The following CDK14 variants were observed in gnomAD, a reference collection of about 807,000 sequenced individuals.
CDK14 encodes the protein cyclin dependent kinase 14, also known as cyclin-dependent kinase 14.
In CDK14, 34 loss-of-function variants were observed where a neutral mutation model predicts 60.7. That is an observed-to-expected ratio of 0.56 (90% CI 0.43 to 0.75). CDK14 has a LOEUF of 0.75. Ranked by LOEUF, CDK14 falls within the 30% of genes least tolerant of loss-of-function variation. The pLI is 0.00. For missense variants in CDK14, 482 were observed against 564.1 expected, an observed-to-expected ratio of 0.85 and a Z score of 1.47; for synonymous variants, 197 against 203.7, an observed-to-expected ratio of 0.97 and a Z score of 0.28.
At chr7:90,888,997 C>T (rs1334881166) in intron 6 of CDK14, among the ~76,000 whole-genome samples, 3 of 152,246 alleles carry the variant, frequency 2.0e-5, no homozygotes, top group Non-Finnish European at 2.9e-5. Flanking sequence ...ACACATTCTT[C>T]TAATGCTGGA....
intron 10 of CDK14, among the ~76,000 whole-genome samples, chr7:91,021,999 G>A (rs1796444206): frequency 6.6e-6 from 1 of 152,154 alleles, no homozygotes; most frequent in Non-Finnish European, 1.5e-5. Flanking sequence ...ACCCACAGAA[G>A]CCCACAAAGA....
chr7:90,616,873 C>CAT (rs141437025), intron 2 of CDK14, among the ~76,000 whole-genome samples: 1,623 of 151,118 alleles, frequency 0.011, 31 homozygotes, highest in African/African-American at 0.036. Flanking sequence ...TCATCATCAT[C>CAT]ATATATATAT....
chr7:90,829,937 C>G (rs1488114849), intron 5 of CDK14, among the ~76,000 whole-genome samples: 1 of 152,220 alleles, frequency 6.6e-6, no homozygotes, highest in African/African-American at 2.4e-5. Flanking sequence ...GCAGCTCTGC[C>G]TCTGTGGCTT....
chr7:91,027,352 C>T (rs932454600), intron 10 of CDK14, among the ~76,000 whole-genome samples: 1 of 152,216 alleles, frequency 6.6e-6, no homozygotes, highest in Admixed American at 6.5e-5. Context: ...CCCCATATCT[C>T]AGTGTCATCC....
At chr7:91,064,108 C>G (rs973737528) in intron 11 of CDK14, among the ~76,000 whole-genome samples, 3 of 152,126 alleles carry the variant, frequency 2.0e-5, no homozygotes, top group Non-Finnish European at 4.4e-5. Context: ...CAGATTTATT[C>G]TCCTAGACTT....
At chr7:91,130,923 A>G (rs542249937) in intron 14 of CDK14, among the ~76,000 whole-genome samples, 1 of 152,078 alleles carries the variant, frequency 6.6e-6, no homozygotes, top group Non-Finnish European at 1.5e-5. Flanking sequence ...CCTATTAGAC[A>G]CAGCATAAAT....
At chr7:90,858,588 T>C (rs1004558328) in intron 5 of CDK14, among the ~76,000 whole-genome samples, 3 of 152,214 alleles carry the variant, frequency 2.0e-5, no homozygotes, top group African/African-American at 7.2e-5. Flanking sequence ...CACAAAGCCA[T>C]GTGCCTTTCT....
chr7:90,931,816 T>C (rs1161850786), intron 8 of CDK14, among the ~76,000 whole-genome samples: 2 of 152,098 alleles, frequency 1.3e-5, no homozygotes, highest in Non-Finnish European at 2.9e-5. Flanking sequence ...GTGAGAAGTT[T>C]TATTGTTTTG....
chr7:90,950,363 C>T (rs756884777), intron 8 of CDK14, among the ~76,000 whole-genome samples: 16 of 152,080 alleles, frequency 1.1e-4, no homozygotes, highest in East Asian at 3.9e-4. Flanking sequence ...TTAACCACTG[C>T]GCCTGGCCAA....
At chr7:91,072,967 GA>G (rs1268479430) in intron 11 of CDK14, among the ~76,000 whole-genome samples, 2 of 151,724 alleles carry the variant, frequency 1.3e-5, no homozygotes, top group South Asian at 4.2e-4. Context: ...CAAGATTAGA[GA>G]AAAAAAGAAT....
rs554588819 is a variant in CDK14 at position 91,165,089 on chromosome 7, G to A, written c.*29-42076G>A. ...GATCGCTCTTCAGCGTTCCCTATGC[G>A]GCCTGGTTCATACAGTCACAACAAA... On this transcript the variant is annotated intron_variant, in intron 14 of 14. Coordinates refer to ENST00000380050, the MANE Select transcript of CDK14 (RefSeq NM_001287135.2). 5.3e-5 allele frequency among the ~76,000 whole-genome samples: 8 copies of A among 152,164 alleles called. No homozygotes were observed. In the East Asian group the frequency reaches 5.8e-4, roughly 11 times the overall value.
intron 14 of CDK14, among the ~76,000 whole-genome samples, chr7:91,176,493 C>A (rs1439640590): frequency 1.3e-5 from 2 of 152,048 alleles, no homozygotes; most frequent in African/African-American, 4.8e-5. Flanking sequence ...ACCAAAAAAA[C>A]CCTTCAAAAA....
chr7:90,934,558 G>C (rs1249194877), intron 8 of CDK14, among the ~76,000 whole-genome samples: 1 of 152,226 alleles, frequency 6.6e-6, no homozygotes. Context: ...CAAGGAATTG[G>C]AAGTCCAGTA....
intron 8 of CDK14, among the ~76,000 whole-genome samples, chr7:90,946,661 T>C (rs1303692610): frequency 6.6e-6 from 1 of 152,214 alleles, no homozygotes; most frequent in Non-Finnish European, 1.5e-5. Flanking sequence ...TTTTATCTCA[T>C]GGAATGTTTT....
At chr7:90,967,918 A>G (rs1178280894) in intron 9 of CDK14, among the ~76,000 whole-genome samples, 1 of 152,236 alleles carries the variant, frequency 6.6e-6, no homozygotes, top group Non-Finnish European at 1.5e-5. Flanking sequence ...AGGAGCCTCT[A>G]TAAATGTCAT....
intron 6 of CDK14, among the ~76,000 whole-genome samples, chr7:90,897,458 A>G (rs1792373396): frequency 6.6e-6 from 1 of 151,542 alleles, no homozygotes; most frequent in Admixed American, 6.6e-5. Context: ...AGCATTGAAC[A>G]GATTAGATAC....
chr7:90,788,702 A>G (rs1805703006), intron 4 of CDK14, among the ~76,000 whole-genome samples: 1 of 152,176 alleles, frequency 6.6e-6, no homozygotes, highest in South Asian at 2.1e-4. Context: ...TTTTATGTCT[A>G]TGGCAGTTTT....
intron 6 of CDK14, among the ~76,000 whole-genome samples, chr7:90,894,611 GT>G (rs1290043538): frequency 1.3e-5 from 2 of 151,940 alleles, no homozygotes; most frequent in African/African-American, 2.4e-5. Flanking sequence ...TAGTTTTGTT[GT>G]TTCATTTTAA....
intron 4 of CDK14, among the ~76,000 whole-genome samples, chr7:90,784,345 G>A (rs893584399): frequency 6.6e-6 from 1 of 152,132 alleles, no homozygotes; most frequent in African/African-American, 2.4e-5. Flanking sequence ...AGACCATTTG[G>A]TAGCACAATA....
Sources: allele counts gnomAD v4.1 joint callset (sites outside exome capture counted in the v4.1 genomes callset), GRCh38; gene constraint gnomAD v4.1.1; transcripts MANE v1.5; gene names NCBI Gene and HGNC (gene_info 2026-07-23, HGNC 2026-07-21).